Variants in ZP1 observed in about 807,000 individuals in gnomAD.
ZP1 encodes the protein zona pellucida glycoprotein 1.
ZP1 carries 58 observed loss-of-function variants against 67.4 expected under a neutral mutation model. The observed-to-expected ratio is 0.86, with a 90% confidence interval of 0.70 to 1.07. The LOEUF (loss-of-function observed/expected upper bound fraction) is 1.07. ZP1 is among the 50% of genes least tolerant of loss of function. The pLI, the probability that ZP1 is intolerant of heterozygous loss-of-function variation, is 0.00. For missense variants in ZP1, 759 were observed against 807.3 expected, an observed-to-expected ratio of 0.94 and a Z score of 0.72; for synonymous variants, 333 against 332.7, an observed-to-expected ratio of 1.00 and a Z score of -0.01.
intron 1 of ZP1, among the ~76,000 whole-genome samples, chr11:60,868,766 C>T (rs774651350): frequency 1.3e-5 from 2 of 152,172 alleles, no homozygotes; most frequent in Non-Finnish European, 2.9e-5. Flanking sequence ...AGAAAGCTCA[C>T]GCACCCTCCC....
Position 60,869,134 on chromosome 11 carries a change from C to G in ZP1, c.197-11C>G. 1 of 1,614,148 alleles carries G rather than the reference C, an allele frequency of 6.2e-7. No homozygotes were observed. The highest frequency in any genetic ancestry group is 2.2e-5 in the East Asian group (1 of 44,880). On this transcript the variant is annotated splice_polypyrimidine_tract_variant and intron_variant, in intron 1 of 11. Transcript: ENST00000278853. Reference sequence around the variant, plus strand: ...TCAACATCCCTGGCCCCTCCCCTTCCCCCACTGCAGATGAATTTGGGAACC... The same window carrying G: ...TCAACATCCCTGGCCCCTCCCCTTCGCCCACTGCAGATGAATTTGGGAACC...
intron 2 of ZP1, 94 bp downstream of exon 2, chr11:60,869,360 CCGAAGA>C: frequency 6.4e-7 from 1 of 1,557,516 alleles, no homozygotes; most frequent in South Asian, 1.2e-5. Context: ...GGAGCCAAAG[CCGAAGA>C]TCTGTTGAGC....
intron 1 of ZP1, among the ~76,000 whole-genome samples, chr11:60,868,250 T>C (rs896690607): frequency 2.0e-5 from 3 of 152,146 alleles, no homozygotes; most frequent in African/African-American, 4.8e-5. Flanking sequence ...TTTCACGATA[T>C]TGGTCAGGCT....
Position 60,869,614 on chromosome 11 carries a change from T to C in ZP1, c.396T>C (p.Thr132=). The C allele has an allele frequency of 6.2e-7, 1 of 1,614,120 alleles. No homozygotes were observed. The highest frequency in any genetic ancestry group is 8.5e-7 in the Non-Finnish European group (1 of 1,180,004). ...GTGTGGATGTGGCACAAGACGCTACTCTGATCTGTCCCAAACCTGACCCCT... is the reference window on the plus strand; with the variant it reads ...GTGTGGATGTGGCACAAGACGCTACCCTGATCTGTCCCAAACCTGACCCCT... ...NGRVDVAQDA[T]LICPKPDPSR... is the part of the protein sequence containing the mutation. Residue 132 remains threonine, a synonymous_variant, in exon 3 of 12, where the codon ACT becomes ACC. Coordinates refer to ENST00000278853, the MANE Select transcript of ZP1 (RefSeq NM_207341.4).
intron 1 of ZP1, 143 bp from the exon 2 acceptor site, chr11:60,869,002 C>T: frequency 7.3e-6 from 7 of 964,408 alleles, no homozygotes; most frequent in Non-Finnish European, 6.1e-6. Context: ...GGGGGCTTGC[C>T]CAAGACCACA....
rs752007941 is a variant in ZP1 at position 60,869,147 on chromosome 11, G to T, written c.199G>T (p.Glu67Ter). 3 of 1,614,148 alleles carry T rather than the reference G, an allele frequency of 1.9e-6. No homozygotes were observed. In the East Asian group the frequency reaches 6.7e-5, roughly 36 times the overall value. ...CCCCTCCCCTTCCCCCACTGCAGATGAATTTGGGAACCGATTTGATGTCAA... is the reference window on the plus strand; with the variant it reads ...CCCCTCCCCTTCCCCCACTGCAGATTAATTTGGGAACCGATTTGATGTCAA... ...GQTLRFKVVD[E>*]FGNRFDVNNC... Residue 67 changes from glutamate to a stop codon, truncating the protein, a stop_gained and splice_region_variant, in exon 2 of 12, where the codon GAA becomes TAA. Coordinates refer to ENST00000278853, the MANE Select transcript of ZP1 (RefSeq NM_207341.4). LOFTEE classifies it high-confidence loss of function.
rs774276093 is a variant in ZP1 at position 60,869,671 on chromosome 11, C to G, written c.453C>G (p.Pro151=). The G allele has an allele frequency of 1.2e-6, 2 of 1,614,142 alleles. No individual in the cohort carries two copies. Among genetic ancestry groups the G allele is most frequent in the Admixed American group, 1.7e-5 (1 of 60,020 alleles). ...SRTLDSQLAP[P]AMFSVSTPQT... ...CTCTGGACTCCCAGCTGGCACCACC[C>G]GCCATGTTCTCTGTCTCAACCCCAC... Residue 151 remains proline, a synonymous_variant, in exon 3 of 12, where the codon CCC becomes CCG. Coordinates refer to ENST00000278853, the MANE Select transcript of ZP1 (RefSeq NM_207341.4).
chr11:60,871,156 G>C lies in ZP1; in HGVS notation c.1014+12G>C, dbSNP rs370046295. ...GAACCACAATGCAGGTAGGAGCCGGGACCACAGGCTGGGGCCTGGTCCCCC... is the reference window on the plus strand; with the variant it reads ...GAACCACAATGCAGGTAGGAGCCGGCACCACAGGCTGGGGCCTGGTCCCCC... On this transcript the variant is annotated intron_variant, in intron 5 of 11. Coordinates refer to ENST00000278853, the MANE Select transcript of ZP1 (RefSeq NM_207341.4). The C allele has an allele frequency of 7.7e-5, 125 of 1,613,788 alleles. No homozygotes were observed. Among genetic ancestry groups the C allele is most frequent in the Non-Finnish European group, 1.0e-4 (119 of 1,179,938 alleles).
intron 1 of ZP1, 113 bp downstream of exon 1, chr11:60,867,870 G>C: frequency 8.1e-7 from 1 of 1,238,256 alleles, no homozygotes; most frequent in South Asian, 1.5e-5. Context: ...TCCAGCCTGG[G>C]GGTGTCCAGC....
chr11:60,867,791 C>G, intron 1 of ZP1, 34 bp downstream of exon 1: 1 of 1,597,354 alleles, frequency 6.3e-7, no homozygotes, highest in Non-Finnish European at 8.5e-7. Flanking sequence ...CCCTGCCTCC[C>G]TGGCCACGGG....
intron 6 of ZP1, among the ~76,000 whole-genome samples, chr11:60,872,247 G>C (rs981421310): frequency 6.6e-6 from 1 of 152,172 alleles, no homozygotes; most frequent in South Asian, 2.1e-4. Flanking sequence ...ATGGCCAAGT[G>C]GTGGAGGACA....
chr11:60,869,740 C>T lies in ZP1; in HGVS notation c.522C>T (p.Gly174=). Residue 174 remains glycine (G), a synonymous_variant, in exon 3 of 12, where the codon GGC becomes GGT. Coordinates refer to ENST00000278853, the MANE Select transcript of ZP1 (RefSeq NM_207341.4). The part of the protein sequence containing the change: ...FLPTSGHTSQ[G]SGHAFPSPLD... Reference sequence around the variant, plus strand: ...CCACCTCTGGCCATACCTCCCAAGGCTCTGGCCATGCCTTTCCCAGCCCAC... The same window carrying T: ...CCACCTCTGGCCATACCTCCCAAGGTTCTGGCCATGCCTTTCCCAGCCCAC... 1 of 1,614,054 alleles carries T rather than the reference C, an allele frequency of 6.2e-7. No homozygotes were observed. Among genetic ancestry groups the T allele is most frequent in the Non-Finnish European group, 8.5e-7 (1 of 1,179,972 alleles).
intron 9 of ZP1, among the ~76,000 whole-genome samples, chr11:60,874,478 G>A (rs1306194711): frequency 6.6e-6 from 1 of 152,210 alleles, no homozygotes; most frequent in Admixed American, 6.5e-5. Context: ...CTGGTCTCCA[G>A]GGGTCACAAA....
At chr11:60,870,541 C>T in intron 4 of ZP1, 66 bp downstream of exon 4, 2 of 1,517,738 alleles carry the variant, frequency 1.3e-6, no homozygotes, top group Non-Finnish European at 8.8e-7. Flanking sequence ...GAGCTGTCTC[C>T]TCCAGCTGGT....
intron 4 of ZP1, 149 bp downstream of exon 4, chr11:60,870,624 G>A: frequency 9.4e-7 from 1 of 1,058,388 alleles, no homozygotes; most frequent in Non-Finnish European, 1.3e-6. Flanking sequence ...CTTTAGATGG[G>A]GCGGTCACAT....
At position 60,869,133 on chromosome 11, in the gene ZP1, C is replaced by T. The variant is rs775090855; in HGVS notation, c.197-12C>T. The T allele has an allele frequency of 1.2e-6, 2 of 1,614,156 alleles. No individual in the cohort carries two copies. The highest frequency in any genetic ancestry group is 1.1e-5 in the South Asian group (1 of 91,078). Reference sequence around the variant, plus strand: ...TTCAACATCCCTGGCCCCTCCCCTTCCCCCACTGCAGATGAATTTGGGAAC... The same window carrying T: ...TTCAACATCCCTGGCCCCTCCCCTTTCCCCACTGCAGATGAATTTGGGAAC... On this transcript the variant is annotated splice_polypyrimidine_tract_variant and intron_variant, in intron 1 of 11. Transcript: ENST00000278853.
At position 60,875,616 on chromosome 11, in the gene ZP1, A is replaced by C. The variant is rs1306261716; in HGVS notation, c.1877A>C (p.Gln626Pro). ...TTTGGTGTCTTTGTGGGCCTGAGCCAGACCTGGGCCCAGAAGCTCTGGGAA... is the reference window on the plus strand; with the variant it reads ...TTTGGTGTCTTTGTGGGCCTGAGCCCGACCTGGGCCCAGAAGCTCTGGGAA... ...LGFGVFVGLS[Q>P]TWAQKLWESN... Residue 626 changes from glutamine to proline, a missense_variant, in exon 12 of 12, where the codon CAG (glutamine) becomes CCG (proline). Transcript: ENST00000278853. The C allele has an allele frequency of 6.2e-7, 1 of 1,614,218 alleles. No individual in the cohort carries two copies. Among genetic ancestry groups the C allele is most frequent in the Admixed American group, 1.7e-5 (1 of 60,026 alleles).
chr11:60,874,448 C>T (rs1364193035), intron 9 of ZP1, among the ~76,000 whole-genome samples: 1 of 152,200 alleles, frequency 6.6e-6, no homozygotes, highest in Non-Finnish European at 1.5e-5. Flanking sequence ...GTAATCTGCC[C>T]TCCCCTCTGC....
In ZP1 at chr11:60,871,283, C is replaced by T; in HGVS notation, c.1081C>T (p.Gln361Ter). The T allele has an allele frequency of 3.1e-6, 5 of 1,613,980 alleles. No individual in the cohort carries two copies. Among genetic ancestry groups the T allele is most frequent in the Non-Finnish European group, 4.2e-6 (5 of 1,180,046 alleles). The change falls in exon 6 of 12, where the codon CAG becomes TAG. Residue 361 changes from glutamine to a stop codon, truncating the protein, a stop_gained. Transcript: ENST00000278853. LOFTEE classifies it high-confidence loss of function. Reference protein sequence around the residue: ...VSGIHIQKGPQGSITRDSTFQ... With the variant: ...VSGIHIQKGP Reference sequence around the variant, plus strand: ...TGGCATCCACATCCAAAAGGGGCCACAGGGTTCCATCACGCGGGACAGCAC... The same window carrying T: ...TGGCATCCACATCCAAAAGGGGCCATAGGGTTCCATCACGCGGGACAGCAC...
Sources: gnomAD v4.1 joint callset for allele counts (sites outside exome capture counted in the v4.1 genomes callset) on GRCh38, gnomAD v4.1.1 for gene constraint, MANE v1.5 for transcripts, NCBI Gene and HGNC (gene_info 2026-07-23, HGNC 2026-07-21) for gene names.